Variants in EPHA6 observed in about 807,000 individuals in gnomAD.
EPHA6 encodes the protein ephrin type-A receptor 6.
In EPHA6, 50 loss-of-function variants were observed where a neutral mutation model predicts 112.0. That is an observed-to-expected ratio of 0.45 (90% CI 0.36 to 0.56). The LOEUF (loss-of-function observed/expected upper bound fraction) is 0.56. EPHA6 is among the 20% of genes least tolerant of loss of function. The pLI, the probability that EPHA6 is intolerant of heterozygous loss-of-function variation, is 0.00. For missense variants in EPHA6, 1,280 were observed against 1,417.4 expected (o/e 0.90, Z 1.56); for synonymous variants, 529 against 490.7 (o/e 1.08, Z -1.03).
At chr3:97,413,517 C>A (rs1418392851) in intron 6 of EPHA6, among the ~76,000 whole-genome samples, 1 of 151,922 alleles carries the variant, frequency 6.6e-6, no homozygotes, top group Non-Finnish European at 1.5e-5. Flanking sequence ...AGGAAAAAGT[C>A]AATTTTACAT....
chr3:97,213,974 A>G (rs940020819), intron 3 of EPHA6, among the ~76,000 whole-genome samples: 1 of 149,576 alleles, frequency 6.7e-6, no homozygotes, highest in Non-Finnish European at 1.5e-5. Flanking sequence ...TACATACATT[A>G]TCTAATCATA....
chr3:97,517,938 G>C (rs1232303789), intron 10 of EPHA6, among the ~76,000 whole-genome samples: 1 of 152,088 alleles, frequency 6.6e-6, no homozygotes, highest in Non-Finnish European at 1.5e-5. Flanking sequence ...TTTTCTTAAG[G>C]AGAATAGTAC....
intron 2 of EPHA6, among the ~76,000 whole-genome samples, chr3:96,939,403 T>C (rs571827816): frequency 1.3e-5 from 2 of 152,368 alleles, no homozygotes; most frequent in South Asian, 4.1e-4. Flanking sequence ...TAGAGATGTT[T>C]GTAGTATTCT....
chr3:97,409,073 T>C (rs368772440), intron 6 of EPHA6, among the ~76,000 whole-genome samples: 1 of 152,136 alleles, frequency 6.6e-6, no homozygotes, highest in East Asian at 1.9e-4. Flanking sequence ...AATTAAGAAA[T>C]GATGCAGCCA....
Position 97,538,102 on chromosome 3 carries a change from C to A in EPHA6, c.2386+5559C>A, listed in dbSNP as rs74523179. Reference sequence around the variant, plus strand: ...AGAATTTGGCATGTTAGAGGAGCACCTAATAAGCAAAGTAATAATAGTGTG... The same window carrying A: ...AGAATTTGGCATGTTAGAGGAGCACATAATAAGCAAAGTAATAATAGTGTG... On this transcript the variant is annotated intron_variant, in intron 11 of 17. Transcript: ENST00000389672. Among the ~76,000 whole-genome samples, 1,391 of 152,012 alleles carry A rather than the reference C, an allele frequency of 9.2e-3. 7 individuals are homozygous for A. The highest frequency in any genetic ancestry group is 0.015 in the Non-Finnish European group (1,010 of 67,984).
chr3:97,139,582 C>A (rs971678592), intron 3 of EPHA6, among the ~76,000 whole-genome samples: 5 of 152,004 alleles, frequency 3.3e-5, no homozygotes, highest in Non-Finnish European at 7.4e-5. Flanking sequence ...TATGTATAAC[C>A]AAGGAATTCA....
chr3:97,409,777 T>G (rs537844200), intron 6 of EPHA6, among the ~76,000 whole-genome samples: 5 of 152,188 alleles, frequency 3.3e-5, no homozygotes, highest in Admixed American at 1.3e-4. Flanking sequence ...TGTTAAAGTC[T>G]TTTTCTCAAA....
chr3:97,166,754 C>A (rs2076552966), intron 3 of EPHA6, among the ~76,000 whole-genome samples: 1 of 152,148 alleles, frequency 6.6e-6, no homozygotes. Flanking sequence ...GTTTCTTTCT[C>A]ATGCTGTATA....
chr3:97,360,372 C>G (rs1412705545), intron 5 of EPHA6, among the ~76,000 whole-genome samples: 1 of 152,188 alleles, frequency 6.6e-6, no homozygotes, highest in Non-Finnish European at 1.5e-5. Context: ...ATTCCTGGTT[C>G]TTTCTACTCC....
intron 14 of EPHA6, among the ~76,000 whole-genome samples, chr3:97,710,408 C>T (rs964905874): frequency 1.2e-4 from 18 of 152,150 alleles, no homozygotes; most frequent in African/African-American, 3.9e-4. Flanking sequence ...CAAAAGAAGA[C>T]CTGCTGCTCA....
At chr3:97,319,296 C>A (rs1051061719) in intron 5 of EPHA6, among the ~76,000 whole-genome samples, 1 of 151,122 alleles carries the variant, frequency 6.6e-6, no homozygotes, top group African/African-American at 2.4e-5. Flanking sequence ...TATTTTAGAC[C>A]TTTTCAGCAT....
chr3:96,923,040 T>C (rs1382207996), intron 2 of EPHA6, among the ~76,000 whole-genome samples: 1 of 152,238 alleles, frequency 6.6e-6, no homozygotes. Context: ...CCATCTATCA[T>C]TGATGAGCAT....
At chr3:96,840,997 G>C (rs945580933) in intron 1 of EPHA6, among the ~76,000 whole-genome samples, 1 of 152,036 alleles carries the variant, frequency 6.6e-6, no homozygotes, top group Non-Finnish European at 1.5e-5. Context: ...ATTTTGCCAA[G>C]GTTGAGGACA....
At chr3:97,032,298 TG>T (rs2044888396) in intron 3 of EPHA6, among the ~76,000 whole-genome samples, 1 of 151,746 alleles carries the variant, frequency 6.6e-6, no homozygotes, top group South Asian at 2.1e-4. Flanking sequence ...GGGACTGTTG[TG>T]GGGTGGGAGA....
At chr3:97,648,190 A>C (rs1447814953) in intron 14 of EPHA6, 3 of 578,136 alleles carry the variant, frequency 5.2e-6, no homozygotes, top group Non-Finnish European at 9.3e-6. Context: ...CAGTCGAAAT[A>C]CTTTGTTGAA....
chr3:97,494,567 A>G (rs2091928995), intron 10 of EPHA6, among the ~76,000 whole-genome samples: 1 of 152,194 alleles, frequency 6.6e-6, no homozygotes, highest in Admixed American at 6.5e-5. Context: ...AGAAAATGAG[A>G]TAAAGTAGAT....
chr3:97,113,117 T>G (rs1316241027), intron 3 of EPHA6, among the ~76,000 whole-genome samples: 1 of 152,272 alleles, frequency 6.6e-6, no homozygotes, highest in South Asian at 2.1e-4. Flanking sequence ...CTCAACCTTG[T>G]CCTGTAGATA....
chr3:97,218,849 C>T (rs1034215459), intron 3 of EPHA6, among the ~76,000 whole-genome samples: 4 of 152,166 alleles, frequency 2.6e-5, no homozygotes, highest in African/African-American at 9.7e-5. Flanking sequence ...TCAACCTATG[C>T]ACCTGTAAAA....
chr3:96,930,927 G>A (rs2040280262), intron 2 of EPHA6, among the ~76,000 whole-genome samples: 1 of 146,082 alleles, frequency 6.8e-6, no homozygotes, highest in African/African-American at 2.5e-5. Context: ...GGGAGGCGGA[G>A]GTTGTGGTGA....
Sources: gnomAD v4.1 joint callset for allele counts (sites outside exome capture counted in the v4.1 genomes callset) on GRCh38, gnomAD v4.1.1 for gene constraint, MANE v1.5 for transcripts, NCBI Gene and HGNC (gene_info 2026-07-23, HGNC 2026-07-21) for gene names.